Variants in PARD3B observed in about 807,000 individuals in gnomAD.
PARD3B encodes partitioning defective 3 homolog B.
In PARD3B, 103 loss-of-function variants were observed where a neutral mutation model predicts 130.2. The ratio of observed to expected loss-of-function variants is 0.79; its 90% CI spans 0.67 to 0.93. The LOEUF is 0.93. Ranked by LOEUF, PARD3B falls within the 40% of genes least tolerant of loss-of-function variation. The probability of loss-of-function intolerance (pLI) is 0.00; values close to 1 mark genes in which losing one functional copy is unlikely to be tolerated. For missense variants in PARD3B, 1,609 were observed against 1,499.2 expected (o/e 1.07, Z -1.21); for synonymous variants, 583 against 553.2 (o/e 1.05, Z -0.76).
chr2:205,101,154 T>C (rs1702760601), intron 4 of PARD3B, among the ~76,000 whole-genome samples: 1 of 151,932 alleles, frequency 6.6e-6, no homozygotes, highest in Non-Finnish European at 1.5e-5. Context: ...AAAAGACAAA[T>C]AGACATTTCT....
intron 11 of PARD3B, among the ~76,000 whole-genome samples, chr2:205,159,780 G>T (rs377343295): frequency 3.2e-4 from 48 of 152,240 alleles, no homozygotes; most frequent in African/African-American, 1.1e-3. Flanking sequence ...CTCTCTCCCT[G>T]TGCATGTAGG....
chr2:204,765,362 C>A (rs182751259), intron 2 of PARD3B, among the ~76,000 whole-genome samples: 1 of 152,230 alleles, frequency 6.6e-6, no homozygotes, highest in African/African-American at 2.4e-5. Context: ...ATTGGAGAAC[C>A]ACTCTTCTGC....
At chr2:205,438,780 A>G (rs2047608435) in intron 19 of PARD3B, among the ~76,000 whole-genome samples, 1 of 152,176 alleles carries the variant, frequency 6.6e-6, no homozygotes, top group Non-Finnish European at 1.5e-5. Context: ...AAGTTGCCGT[A>G]TGCAAAAATA....
chr2:204,944,474 C>A (rs569235330), intron 2 of PARD3B, among the ~76,000 whole-genome samples: 3 of 152,296 alleles, frequency 2.0e-5, no homozygotes, highest in Admixed American at 6.5e-5. Flanking sequence ...GGCATGAAAG[C>A]TTCTGTGGCC....
At chr2:205,388,892 T>G (rs1029399470) in intron 18 of PARD3B, among the ~76,000 whole-genome samples, 7 of 152,180 alleles carry the variant, frequency 4.6e-5, no homozygotes, top group African/African-American at 1.7e-4. Flanking sequence ...CAACTATACT[T>G]AAAATAATGA....
chr2:204,838,155 CA>C (rs1339810855), intron 2 of PARD3B, among the ~76,000 whole-genome samples: 1 of 138,570 alleles, frequency 7.2e-6, no homozygotes, highest in African/African-American at 2.5e-5. Context: ...CAGAAAAGGT[CA>C]AGGTTGAATC....
intron 1 of PARD3B, among the ~76,000 whole-genome samples, chr2:204,569,946 T>TC (rs1194331080): frequency 6.6e-6 from 1 of 152,272 alleles, no homozygotes; most frequent in Non-Finnish European, 1.5e-5. Flanking sequence ...ACGTTTGCCA[T>TC]CCTGTCTCCT....
intron 3 of PARD3B, among the ~76,000 whole-genome samples, chr2:204,985,498 A>G (rs1693052258): frequency 6.6e-6 from 1 of 152,214 alleles, no homozygotes; most frequent in Non-Finnish European, 1.5e-5. Flanking sequence ...GGAAAAACAA[A>G]GAGGAGAAAA....
chr2:205,300,446 C>A lies in PARD3B; in HGVS notation c.2186-84C>A. The A allele has an allele frequency of 7.6e-7, 1 of 1,310,328 alleles. No individual in the cohort carries two copies. The highest frequency in any genetic ancestry group is 1.9e-5 in the Admixed American group (1 of 53,748). The allele number at this position is 1,310,328 out of a possible 1,614,324, so 81.2% of individuals were successfully genotyped here. A position where few individuals can be genotyped will look rare whatever the true frequency, so the allele number is the denominator to read the frequency against. On this transcript the variant is annotated intron_variant, in intron 16 of 22. Transcript: ENST00000406610. The surrounding 1 kb of genome is among the most constrained non-coding windows in gnomAD (Gnocchi z 4.1). ...CTTAACACCCCTTTTTTGGGATGTC[C>A]AGACAGAAATATTCTTAGAACAATA... is the stretch of plus-strand genomic sequence containing the variant.
chr2:205,238,851 T>TATAG (rs2039199813), intron 15 of PARD3B, among the ~76,000 whole-genome samples: 1 of 55,796 alleles, frequency 1.8e-5, no homozygotes, highest in Non-Finnish European at 3.0e-5. Flanking sequence ...AAAAAAAAAA[T>TATAG]ATATATATAT....
At chr2:204,683,732 T>G (rs1574696560) in intron 1 of PARD3B, among the ~76,000 whole-genome samples, 1 of 152,110 alleles carries the variant, frequency 6.6e-6, no homozygotes, top group East Asian at 1.9e-4. Context: ...GCCTACTCTT[T>G]TCTTCTTTGG....
intron 19 of PARD3B, among the ~76,000 whole-genome samples, chr2:205,426,010 AT>A (rs2047132877): frequency 1.3e-5 from 2 of 152,182 alleles, no homozygotes; most frequent in Non-Finnish European, 2.9e-5. Flanking sequence ...TTTTATTTAT[AT>A]CAAGAAAAGT....
intron 18 of PARD3B, among the ~76,000 whole-genome samples, chr2:205,308,780 T>C (rs1327872537): frequency 6.6e-6 from 1 of 152,158 alleles, no homozygotes; most frequent in South Asian, 2.1e-4. Context: ...TCAATTTACA[T>C]GGTGTCAAGC....
At chr2:205,362,792 G>A (rs1466578027) in intron 18 of PARD3B, among the ~76,000 whole-genome samples, 1 of 152,214 alleles carries the variant, frequency 6.6e-6, no homozygotes, top group Non-Finnish European at 1.5e-5. Context: ...TTAATGGCCT[G>A]CCTAAAGTTA....
intron 1 of PARD3B, among the ~76,000 whole-genome samples, chr2:204,602,370 GT>G (rs1454682512): frequency 6.6e-6 from 1 of 151,574 alleles, no homozygotes; most frequent in African/African-American, 2.4e-5. Flanking sequence ...ATTGAGTTCT[GT>G]TTTCCCCAAC....
intron 2 of PARD3B, among the ~76,000 whole-genome samples, chr2:204,790,817 A>G (rs1178122847): frequency 1.3e-5 from 2 of 152,220 alleles, no homozygotes; most frequent in Non-Finnish European, 2.9e-5. Flanking sequence ...AGTATAAAAG[A>G]AAATGGGCTG....
chr2:204,935,517 T>C (rs185252786), intron 2 of PARD3B, among the ~76,000 whole-genome samples: 193 of 151,748 alleles, frequency 1.3e-3, no homozygotes, highest in African/African-American at 4.3e-3. Flanking sequence ...CCAGCCTGAG[T>C]GACAGAGCAA....
At chr2:205,539,972 C>T (rs2052048907) in intron 21 of PARD3B, among the ~76,000 whole-genome samples, 1 of 152,158 alleles carries the variant, frequency 6.6e-6, no homozygotes, top group Non-Finnish European at 1.5e-5. Flanking sequence ...CAGTTCTCTC[C>T]TAATATCCAA....
chr2:205,442,290 C>CTTTTTTTTTTTTTTT (rs71410814), intron 20 of PARD3B, among the ~76,000 whole-genome samples: 3 of 105,994 alleles, frequency 2.8e-5, no homozygotes, highest in African/African-American at 1.3e-4. Flanking sequence ...ACAGGTTTTC[C>CTTTTTTTTTTTTTTT]TTTTTTTTTT....
Sources: allele counts gnomAD v4.1 joint callset (sites outside exome capture counted in the v4.1 genomes callset), GRCh38; gene constraint gnomAD v4.1.1; non-coding constraint Gnocchi (gnomAD v3.1); transcripts MANE v1.5; gene names NCBI Gene and HGNC (gene_info 2026-07-23, HGNC 2026-07-21).